Variants in DOCK4 observed in about 807,000 individuals in gnomAD.
DOCK4 encodes the protein dedicator of cytokinesis protein 4.
DOCK4 carries 97 observed loss-of-function variants against 268.1 expected under a neutral mutation model. The observed-to-expected ratio is 0.36, with a 90% CI of 0.31 to 0.43. DOCK4 has a LOEUF of 0.43. Ranked by LOEUF, DOCK4 falls within the 20% of genes least tolerant of loss-of-function variation. The pLI, the probability that DOCK4 is intolerant of heterozygous loss-of-function variation, is 1.00. For synonymous variants in DOCK4, 954 were observed against 887.2 expected (o/e 1.08, Z -1.34); for missense variants, 2,145 against 2,455.7 (o/e 0.87, Z 2.67).
intron 1 of DOCK4, among the ~76,000 whole-genome samples, chr7:112,199,131 T>C (rs1366694822): frequency 1.3e-5 from 2 of 152,182 alleles, no homozygotes; most frequent in Non-Finnish European, 2.9e-5. Flanking sequence ...ACAATTTAGG[T>C]TCCAATCCTA....
chr7:111,845,639 A>T (rs1804038214), intron 24 of DOCK4, among the ~76,000 whole-genome samples: 1 of 152,218 alleles, frequency 6.6e-6, no homozygotes, highest in Non-Finnish European at 1.5e-5. Flanking sequence ...ATACTTTTAG[A>T]AAGTACGAGT....
intron 1 of DOCK4, among the ~76,000 whole-genome samples, chr7:112,077,974 C>G (rs1186839658): frequency 1.3e-5 from 2 of 152,010 alleles, no homozygotes; most frequent in African/African-American, 2.4e-5. Flanking sequence ...ATTAGAAATA[C>G]AAGCCTAAGT....
At position 111,809,285 on chromosome 7, in the gene DOCK4, A is replaced by G; in HGVS notation, c.3107+16T>C. The G allele has an allele frequency of 6.5e-7, 1 of 1,532,944 alleles. No homozygotes were observed. Among genetic ancestry groups the G allele is most frequent in the Non-Finnish European group, 8.9e-7 (1 of 1,129,722 alleles). 95.0% of individuals were successfully genotyped at this position (1,532,944 alleles called of 1,614,324 possible). A position where few individuals can be genotyped will look rare whatever the true frequency, so the allele number is the denominator to read the frequency against. On this transcript the variant is annotated intron_variant, in intron 29 of 52. Coordinates refer to ENST00000428084, the MANE Select transcript of DOCK4 (RefSeq NM_001363540.2). ...AAGAGGCAACATTTCTCACCTGATT[A>G]TACACTGATACTTACTTTTCTAACA...
In DOCK4 at chr7:112,043,406, T is replaced by C. The variant is rs562042750; in HGVS notation, c.38-39275A>G. Among the ~76,000 whole-genome samples, 13 of 152,254 alleles carry C rather than the reference T, an allele frequency of 8.5e-5. 1 individual carries two copies. The highest frequency in any genetic ancestry group is 2.4e-4 in the African/African-American group (10 of 41,560). On this transcript the variant is annotated intron_variant, in intron 1 of 52. Coordinates refer to ENST00000428084, the MANE Select transcript of DOCK4 (RefSeq NM_001363540.2). The stretch of plus-strand genomic sequence containing the variant: ...CTTACTTGTTTTGATTAGTACACAA[T>C]GATGAATTAATAACATAAACACACA...
intron 7 of DOCK4, among the ~76,000 whole-genome samples, chr7:111,980,678 C>T (rs1023830388): frequency 2.6e-5 from 4 of 152,152 alleles, no homozygotes; most frequent in African/African-American, 4.8e-5. Context: ...CTACCAGATG[C>T]CAATAGTACC....
chr7:111,880,557 T>G (rs924547298), intron 16 of DOCK4, among the ~76,000 whole-genome samples: 5 of 152,156 alleles, frequency 3.3e-5, no homozygotes, highest in Non-Finnish European at 7.4e-5. Flanking sequence ...AAACACAGAA[T>G]AGTATAATGC....
At chr7:111,986,411 AAG>A (rs1050282953) in intron 6 of DOCK4, among the ~76,000 whole-genome samples, 24 of 152,244 alleles carry the variant, frequency 1.6e-4, no homozygotes, top group African/African-American at 5.5e-4. Flanking sequence ...TGGTTATGTG[AAG>A]AGTCTTATTT....
At chr7:112,058,884 G>A (rs1554430431) in intron 1 of DOCK4, among the ~76,000 whole-genome samples, 2 of 152,056 alleles carry the variant, frequency 1.3e-5, no homozygotes, top group Non-Finnish European at 2.9e-5. Flanking sequence ...AGTGAAGGCA[G>A]AAAGAAGAAG....
chr7:111,803,199 T>G (rs1392724451), intron 30 of DOCK4, among the ~76,000 whole-genome samples: 1 of 152,188 alleles, frequency 6.6e-6, no homozygotes, highest in Non-Finnish European at 1.5e-5. Flanking sequence ...TTTAAGTCAT[T>G]GTGCAGGAAT....
intron 38 of DOCK4, among the ~76,000 whole-genome samples, chr7:111,766,809 A>T (rs1000496939): frequency 6.6e-6 from 1 of 152,248 alleles, no homozygotes; most frequent in African/African-American, 2.4e-5. Flanking sequence ...TATATTTCAT[A>T]TGTGGTATTT....
chr7:112,172,295 A>G (rs17567768), intron 1 of DOCK4, among the ~76,000 whole-genome samples: 15,310 of 152,222 alleles, frequency 0.1, 950 homozygotes, highest in South Asian at 0.14. Context: ...CTGCAGAAAT[A>G]AGAATACTTC....
chr7:111,903,582 T>A (rs186917747), intron 13 of DOCK4, among the ~76,000 whole-genome samples: 1 of 152,354 alleles, frequency 6.6e-6, no homozygotes, highest in East Asian at 1.9e-4. Context: ...TTCACTTGAT[T>A]ACTACATATA....
chr7:112,026,684 T>A (rs978015729), intron 1 of DOCK4, among the ~76,000 whole-genome samples: 1 of 152,252 alleles, frequency 6.6e-6, no homozygotes, highest in African/African-American at 2.4e-5. Flanking sequence ...ACTACATTCA[T>A]GCATTGACCT....
At chr7:111,938,562 G>T (rs1315455781) in intron 11 of DOCK4, among the ~76,000 whole-genome samples, 1 of 152,158 alleles carries the variant, frequency 6.6e-6, no homozygotes, top group East Asian at 1.9e-4. Context: ...CTGTGGGGAG[G>T]TGGCACGGTG....
chr7:112,180,746 T>C (rs891844393), intron 1 of DOCK4, among the ~76,000 whole-genome samples: 4 of 152,208 alleles, frequency 2.6e-5, no homozygotes, highest in Non-Finnish European at 5.9e-5. Context: ...ACTTTGTGGC[T>C]GTGCACTGCT....
At chr7:111,837,257 A>C (rs150338379) in intron 25 of DOCK4, among the ~76,000 whole-genome samples, 3 of 152,110 alleles carry the variant, frequency 2.0e-5, no homozygotes, top group Non-Finnish European at 2.9e-5. Flanking sequence ...AGGAAAAAAA[A>C]CCCCAAAAAC....
At chr7:112,168,626 A>G (rs1817812076) in intron 1 of DOCK4, among the ~76,000 whole-genome samples, 1 of 152,068 alleles carries the variant, frequency 6.6e-6, no homozygotes, top group Admixed American at 6.5e-5. Context: ...GATCGCTTGA[A>G]CCTGGGAGGT....
intron 1 of DOCK4, among the ~76,000 whole-genome samples, chr7:112,099,297 T>TAA (rs34373613): frequency 0.015 from 1,898 of 123,296 alleles, 39 homozygotes; most frequent in African/African-American, 0.052. Flanking sequence ...GTCTCGGATT[T>TAA]AAAAAAAAAA....
intron 23 of DOCK4, among the ~76,000 whole-genome samples, chr7:111,860,981 A>G (rs1013132159): frequency 1.3e-5 from 2 of 152,196 alleles, no homozygotes; most frequent in Admixed American, 6.5e-5. Context: ...TTAGTGCAAG[A>G]CTTTAACTTA....
Sources: allele counts gnomAD v4.1 joint callset (sites outside exome capture counted in the v4.1 genomes callset), GRCh38; gene constraint gnomAD v4.1.1; transcripts MANE v1.5; gene names NCBI Gene and HGNC (gene_info 2026-07-23, HGNC 2026-07-21).